ZPLD1: variants seen among roughly 807,000 people sequenced by gnomAD.
ZPLD1 encodes the protein zona pellucida-like domain-containing protein 1.
In ZPLD1, 34 loss-of-function variants were observed where a neutral mutation model predicts 47.2. That is an observed-to-expected ratio of 0.72 (90% CI 0.55 to 0.96). The LOEUF is 0.96. Ranked by LOEUF, ZPLD1 falls within the 40% of genes least tolerant of loss-of-function variation. ZPLD1 has a pLI of 0.00. For missense variants in ZPLD1, 512 were observed against 505.8 expected, an observed-to-expected ratio of 1.01 and a Z score of -0.12; for synonymous variants, 176 against 186.2, an observed-to-expected ratio of 0.95 and a Z score of 0.45.
chr3:102,421,054 T>C (rs1369234334), intron 8 of ZPLD1, among the ~76,000 whole-genome samples: 1 of 151,934 alleles, frequency 6.6e-6, no homozygotes, highest in Non-Finnish European at 1.5e-5. Flanking sequence ...TAAAATGAGA[T>C]TAACTTGAAC....
At chr3:102,422,042 A>C (rs1374654392) in intron 8 of ZPLD1, among the ~76,000 whole-genome samples, 2 of 152,066 alleles carry the variant, frequency 1.3e-5, no homozygotes, top group African/African-American at 4.8e-5. Flanking sequence ...TGGAATGTTT[A>C]AACAGTAAAG....
chr3:102,477,822 T>C lies in ZPLD1; in HGVS notation c.*204T>C. 2.4e-6 allele frequency: 1 copy of C among 414,458 alleles called. No homozygotes were observed. The allele number at this position is 414,458 out of a possible 1,614,324, so 25.7% of individuals were successfully genotyped here. On this transcript the variant is annotated 3_prime_UTR_variant, in exon 12 of 12. Transcript: ENST00000466937. Reference sequence around the variant, plus strand: ...CACTTATGTACGTGGCGAGCCGTATTTTTATGCCACCAGTGAATATATTGA... The same window carrying C: ...CACTTATGTACGTGGCGAGCCGTATCTTTATGCCACCAGTGAATATATTGA...
intron 7 of ZPLD1, among the ~76,000 whole-genome samples, chr3:102,396,811 C>T (rs563039385): frequency 1.3e-5 from 2 of 152,220 alleles, no homozygotes; most frequent in South Asian, 4.1e-4. Flanking sequence ...ATGCTGTTCT[C>T]TTTCTAGCCT....
At chr3:102,466,458 T>C (rs1707595076) in intron 8 of ZPLD1, among the ~76,000 whole-genome samples, 1 of 152,084 alleles carries the variant, frequency 6.6e-6, no homozygotes, top group Non-Finnish European at 1.5e-5. Flanking sequence ...AATTTAAAGG[T>C]GAATTAAACT....
At chr3:102,464,337 A>G (rs1337924236) in intron 8 of ZPLD1, 86 bp downstream of exon 8, 1 of 953,350 alleles carries the variant, frequency 1.0e-6, no homozygotes, top group African/African-American at 1.6e-5. Context: ...CAGATAAATT[A>G]TAAAGCACTA....
At chr3:102,434,965 C>T, upstream of ZPLD1, 1 of 770,186 alleles carries the variant, frequency 1.3e-6, no homozygotes, top group Non-Finnish European at 2.1e-6. Context: ...TTGCACCTGC[C>T]TAAGATCTAG....
chr3:102,472,906 T>C (rs536570550), intron 10 of ZPLD1, among the ~76,000 whole-genome samples: 1 of 152,340 alleles, frequency 6.6e-6, no homozygotes, highest in Admixed American at 6.5e-5. Flanking sequence ...CACCTGAGAC[T>C]GTGTAATTTA....
chr3:102,471,176 C>G (rs1204859455), intron 10 of ZPLD1, among the ~76,000 whole-genome samples: 2 of 152,154 alleles, frequency 1.3e-5, no homozygotes, highest in Non-Finnish European at 2.9e-5. Context: ...GCCTCTAGCT[C>G]CCTTGCCCTC....
intron 6 of ZPLD1, among the ~76,000 whole-genome samples, chr3:102,387,441 C>T (rs1576120149): frequency 6.6e-6 from 1 of 152,112 alleles, no homozygotes; most frequent in African/African-American, 2.4e-5. Context: ...TGTATTCTGT[C>T]ATCATTTAAA....
chr3:102,462,791 A>G (rs543213569), intron 7 of ZPLD1, among the ~76,000 whole-genome samples: 1 of 152,252 alleles, frequency 6.6e-6, no homozygotes, highest in South Asian at 2.1e-4. Context: ...AGTGTGTCAA[A>G]ATTACATAAA....
chr3:102,391,837 C>T (rs1190067941), intron 6 of ZPLD1, among the ~76,000 whole-genome samples: 1 of 152,108 alleles, frequency 6.6e-6, no homozygotes, highest in Non-Finnish European at 1.5e-5. Context: ...ATCAGACAAC[C>T]TTATGGGCAC....
chr3:102,400,502 G>A (rs188140511), intron 7 of ZPLD1, among the ~76,000 whole-genome samples: 13 of 151,990 alleles, frequency 8.6e-5, no homozygotes, highest in Admixed American at 6.6e-5. Context: ...TCCCTTTGCC[G>A]AATACCCACC....
chr3:102,449,464 T>A lies in ZPLD1; in HGVS notation c.107-3455T>A, dbSNP rs561443279. Among the ~76,000 whole-genome samples the A allele has an allele frequency of 9.6e-3, 1,456 of 152,318 alleles. 21 individuals carry two copies. Among genetic ancestry groups the A allele is most frequent in the African/African-American group, 0.033 (1,369 of 41,568 alleles). On this transcript the variant is annotated intron_variant, in intron 3 of 11. Transcript: ENST00000466937. ...AAAATACTAAGTGGAAAATTCCATA[T>A]ATAAACAATTCACACATTTTAAAGT... is the stretch of plus-strand genomic sequence containing the variant.
chr3:102,402,994 G>T (rs1458606988), intron 7 of ZPLD1, among the ~76,000 whole-genome samples: 3 of 151,832 alleles, frequency 2.0e-5, no homozygotes, highest in Non-Finnish European at 4.4e-5. Flanking sequence ...GCTTCAAAAT[G>T]TATCAATATT....
intron 8 of ZPLD1, among the ~76,000 whole-genome samples, chr3:102,424,089 G>A (rs1206294258): frequency 6.6e-6 from 1 of 152,096 alleles, no homozygotes; most frequent in African/African-American, 2.4e-5. Context: ...CTCTATGTAA[G>A]GGAATGATTT....
In ZPLD1 at chr3:102,393,380, A is replaced by T. The variant is rs957842717; in HGVS notation, c.-157+1155A>T. ...GTCGTTCTTCCATTAAACAGATTTT[A>T]AAAAATCTTATCTTCAATTGCAGAT... On this transcript the variant is annotated intron_variant, in intron 7 of 17. Coordinates refer to the ZPLD1 transcript ENST00000491959. 6.6e-5 allele frequency among the ~76,000 whole-genome samples: 10 copies of T among 152,118 alleles called. 1 individual carries two copies. Among genetic ancestry groups the T allele is most frequent in the East Asian group, 3.9e-4 (2 of 5,186 alleles).
chr3:102,394,304 G>A lies in ZPLD1; in HGVS notation c.-157+2079G>A, dbSNP rs564383215. ...CATTTAAACATAGAAGTCAGGAAAT[G>A]CAAAATTCAAGGATCTCATAATAAC... On this transcript the variant is annotated intron_variant, in intron 7 of 17. Coordinates refer to the ZPLD1 transcript ENST00000491959. Among the ~76,000 whole-genome samples the A allele has an allele frequency of 2.0e-5, 3 of 152,254 alleles. No homozygotes were observed. The East Asian group carries it at 5.8e-4, about 29-fold the overall frequency.
At chr3:102,385,964 C>A (rs1040054481) in intron 6 of ZPLD1, among the ~76,000 whole-genome samples, 5 of 152,194 alleles carry the variant, frequency 3.3e-5, no homozygotes, top group Admixed American at 2.0e-4. Flanking sequence ...ACTTCAACCT[C>A]TCTGCTCTCC....
chr3:102,449,774 A>G (rs2107332202), intron 3 of ZPLD1, among the ~76,000 whole-genome samples: 1 of 152,348 alleles, frequency 6.6e-6, no homozygotes, highest in South Asian at 2.1e-4. Flanking sequence ...TATATAGGAA[A>G]GAACATACTA....
Sources: allele counts gnomAD v4.1 joint callset (sites outside exome capture counted in the v4.1 genomes callset), GRCh38; gene constraint gnomAD v4.1.1; transcripts MANE v1.5; gene names NCBI Gene and HGNC (gene_info 2026-07-23, HGNC 2026-07-21).